The following CDH4 variants were observed in gnomAD, a reference collection of about 807,000 sequenced individuals.
The protein encoded by CDH4 is cadherin-4.
Under a neutral mutation model 86.0 loss-of-function variants are expected in CDH4, and 33 were observed. That is an observed-to-expected ratio of 0.38 (90% CI 0.29 to 0.51). The LOEUF (loss-of-function observed/expected upper bound fraction) is 0.51, where lower values mean the gene tolerates loss of function less well. Ranked by LOEUF, CDH4 falls within the 20% of genes least tolerant of loss-of-function variation. CDH4 has a pLI of 0.86. For missense variants in CDH4, 1,114 were observed against 1,307.4 expected, an observed-to-expected ratio of 0.85 and a Z score of 2.28; for synonymous variants, 555 against 549.4, an observed-to-expected ratio of 1.01 and a Z score of -0.14.
intron 2 of CDH4, among the ~76,000 whole-genome samples, chr20:61,304,696 G>A (rs975709982): frequency 6.6e-6 from 1 of 152,114 alleles, no homozygotes; most frequent in African/African-American, 2.4e-5. Context: ...TGTATTTCTA[G>A]ACTATGTATG....
intron 2 of CDH4, among the ~76,000 whole-genome samples, chr20:61,671,725 G>A (rs2087390102): frequency 6.6e-6 from 1 of 151,368 alleles, no homozygotes; most frequent in South Asian, 2.1e-4. Flanking sequence ...TAAATGAATG[G>A]ATGGGTGGAT....
intron 2 of CDH4, among the ~76,000 whole-genome samples, chr20:61,588,477 C>T (rs1299446197): frequency 6.6e-6 from 1 of 152,212 alleles, no homozygotes; most frequent in Non-Finnish European, 1.5e-5. Context: ...AAAGAAAGAT[C>T]GTGAATTCTG....
intron 2 of CDH4, chr20:61,718,614 A>G: frequency 2.8e-6 from 1 of 362,588 alleles, no homozygotes; most frequent in South Asian, 2.1e-5. Flanking sequence ...GGGCTACCCG[A>G]CTGGGTGTCC....
chr20:61,434,472 CAAAG>C (rs2085269331), intron 2 of CDH4, among the ~76,000 whole-genome samples: 1 of 152,120 alleles, frequency 6.6e-6, no homozygotes, highest in Non-Finnish European at 1.5e-5. Context: ...CCGCGGCGCT[CAAAG>C]AAACCAGATC....
At chr20:61,716,008 C>G (rs73314450) in intron 2 of CDH4, among the ~76,000 whole-genome samples, 7,083 of 152,342 alleles carry the variant, frequency 0.046, 511 homozygotes, top group African/African-American at 0.15. Context: ...GGCCACACTT[C>G]ACCGTGGCTC....
chr20:61,278,566 G>A (rs980323445), intron 2 of CDH4, among the ~76,000 whole-genome samples: 3 of 152,250 alleles, frequency 2.0e-5, no homozygotes, highest in Non-Finnish European at 4.4e-5. Flanking sequence ...GCCCTCTTAC[G>A]CCTGGTGCTC....
intron 2 of CDH4, among the ~76,000 whole-genome samples, chr20:61,671,266 A>G (rs563219513): frequency 6.6e-6 from 1 of 152,314 alleles, no homozygotes; most frequent in Non-Finnish European, 1.5e-5. Context: ...CCAAGGCAGG[A>G]GGATGGCTTA....
At chr20:61,841,428 C>T (rs773455294) in intron 4 of CDH4, among the ~76,000 whole-genome samples, 5 of 152,178 alleles carry the variant, frequency 3.3e-5, no homozygotes, top group African/African-American at 9.7e-5. Context: ...CATACCCCCT[C>T]GTGACCAAAC....
intron 2 of CDH4, among the ~76,000 whole-genome samples, chr20:61,282,413 A>G (rs934124395): frequency 6.6e-6 from 1 of 152,264 alleles, no homozygotes; most frequent in African/African-American, 2.4e-5. Flanking sequence ...TTCATAAAAC[A>G]TTCTGTATTT....
In CDH4 at chr20:61,478,160, C is replaced by T. The variant is rs145509364; in HGVS notation, c.169+223223C>T. ...CCCACACAACAAAGACAGGACTCCC[C>T]TAAAGGGTTCCAGATGCTACCTGCC... On this transcript the variant is annotated intron_variant, in intron 2 of 15. Transcript: ENST00000614565. 1.8e-3 allele frequency among the ~76,000 whole-genome samples: 272 copies of T among 152,234 alleles called. 1 individual carries two copies. Among genetic ancestry groups the T allele is most frequent in the African/African-American group, 6.3e-3 (262 of 41,550 alleles).
At chr20:61,407,319 C>G (rs982949585) in intron 2 of CDH4, among the ~76,000 whole-genome samples, 2 of 152,204 alleles carry the variant, frequency 1.3e-5, no homozygotes, top group Non-Finnish European at 2.9e-5. Flanking sequence ...GTGCCTGCCA[C>G]CCCGGGTTCT....
At chr20:61,413,344 C>T (rs2085129927) in intron 2 of CDH4, among the ~76,000 whole-genome samples, 1 of 152,140 alleles carries the variant, frequency 6.6e-6, no homozygotes, top group Non-Finnish European at 1.5e-5. Context: ...GCAGTCAGGA[C>T]CCTAGTGGAG....
At chr20:61,499,523 G>A (rs1321541494) in intron 2 of CDH4, 2 of 1,288,598 alleles carry the variant, frequency 1.6e-6, no homozygotes, top group Non-Finnish European at 2.0e-6. Flanking sequence ...GGGGCTTAGG[G>A]TTGTTTGTGG....
At chr20:61,722,913 G>A (rs549538228) in intron 2 of CDH4, among the ~76,000 whole-genome samples, 1 of 152,304 alleles carries the variant, frequency 6.6e-6, no homozygotes, top group African/African-American at 2.4e-5. Flanking sequence ...GTTGTGACCT[G>A]AGAGTATCCG....
At chr20:61,275,664 T>G (rs2084227378) in intron 2 of CDH4, among the ~76,000 whole-genome samples, 3 of 81,660 alleles carry the variant, frequency 3.7e-5, no homozygotes, top group African/African-American at 1.0e-4. Context: ...CCATGCGCAG[T>G]TTGGGGGGAG....
chr20:61,794,717 AG>A (rs1231257292), intron 4 of CDH4, among the ~76,000 whole-genome samples: 1 of 152,210 alleles, frequency 6.6e-6, no homozygotes, highest in Non-Finnish European at 1.5e-5. Flanking sequence ...CCATGCACCT[AG>A]GACCAAAAAG....
intron 5 of CDH4, among the ~76,000 whole-genome samples, chr20:61,848,056 TG>T (rs1305264045): frequency 6.6e-6 from 1 of 152,284 alleles, no homozygotes; most frequent in Non-Finnish European, 1.5e-5. Context: ...TGCAGAGCTT[TG>T]CTCAGCACCA....
intron 2 of CDH4, among the ~76,000 whole-genome samples, chr20:61,539,741 C>G: frequency 6.6e-6 from 1 of 152,312 alleles, no homozygotes; most frequent in African/African-American, 2.4e-5. Context: ...GGTGTCCCCC[C>G]CAAGCCCTGC....
intron 2 of CDH4, among the ~76,000 whole-genome samples, chr20:61,444,024 CTA>C (rs1347977239): frequency 1.4e-5 from 2 of 145,614 alleles, no homozygotes; most frequent in African/African-American, 5.2e-5. Context: ...GTGTCTGTAT[CTA>C]TGTGTGTGTA....
Sources: allele counts gnomAD v4.1 joint callset (sites outside exome capture counted in the v4.1 genomes callset), GRCh38; gene constraint gnomAD v4.1.1; transcripts MANE v1.5; gene names NCBI Gene and HGNC (gene_info 2026-07-23, HGNC 2026-07-21).